The following ARHGEF28 variants were observed in gnomAD, a reference collection of about 807,000 sequenced individuals.
ARHGEF28 encodes 190 kDa guanine nucleotide exchange factor.
In ARHGEF28, 152 loss-of-function variants were observed where a neutral mutation model predicts 206.6. The observed-to-expected ratio is 0.74, with a 90% confidence interval of 0.64 to 0.84. The LOEUF is 0.84. Among genes scored for constraint, ARHGEF28 ranks in the 40% least tolerant of loss-of-function variants. The probability of loss-of-function intolerance (pLI) is 0.00; values close to 1 mark genes in which losing one functional copy is unlikely to be tolerated. For synonymous variants in ARHGEF28, 763 were observed against 776.4 expected, an observed-to-expected ratio of 0.98 and a Z score of 0.29; for missense variants, 2,028 against 2,073.2, an observed-to-expected ratio of 0.98 and a Z score of 0.42.
At chr5:73,637,184 G>A (rs943606759) in intron 1 of ARHGEF28, among the ~76,000 whole-genome samples, 1 of 152,068 alleles carries the variant, frequency 6.6e-6, no homozygotes, top group African/African-American at 2.4e-5. Context: ...CCCCAGTGAG[G>A]CTGGGTGGAG....
At chr5:73,920,696 G>A (rs1278524390) in intron 35 of ARHGEF28, among the ~76,000 whole-genome samples, 1 of 152,002 alleles carries the variant, frequency 6.6e-6, no homozygotes, top group Non-Finnish European at 1.5e-5. Context: ...AGCCCCTCAT[G>A]CATCAGGTAT....
At chr5:73,821,428 C>G (rs774063377) in intron 9 of ARHGEF28, among the ~76,000 whole-genome samples, 5 of 152,142 alleles carry the variant, frequency 3.3e-5, no homozygotes, top group African/African-American at 4.8e-5. Flanking sequence ...ACATATGGCT[C>G]TAGGGATAGG....
At position 73,873,115 on chromosome 5, in the gene ARHGEF28, C is replaced by G; in HGVS notation, c.2683C>G (p.Pro895Ala). The change falls in exon 22 of 36, where the codon CCC (proline) becomes GCC (alanine). Residue 895 changes from proline (P) to alanine (A), a missense_variant. Coordinates refer to ENST00000513042, the MANE Select transcript of ARHGEF28 (RefSeq NM_001177693.2). ...LDHSTVDKIF[P>A]CLDELLEIHR... ...CCACAGCACCGTGGATAAAATTTTC[C>G]CCTGTTTAGATGAGTTGCTTGAAAT... The G allele has an allele frequency of 6.2e-7, 1 of 1,612,972 alleles. No homozygotes were observed.
At chr5:73,678,257 A>G (rs992930270) in intron 1 of ARHGEF28, among the ~76,000 whole-genome samples, 1 of 152,114 alleles carries the variant, frequency 6.6e-6, no homozygotes, top group Non-Finnish European at 1.5e-5. Flanking sequence ...TTTTAGAAGG[A>G]TTAGGACTGA....
At chr5:73,638,614 T>C (rs1743869311) in intron 1 of ARHGEF28, among the ~76,000 whole-genome samples, 1 of 152,210 alleles carries the variant, frequency 6.6e-6, no homozygotes, top group Non-Finnish European at 1.5e-5. Context: ...AAGAATACTG[T>C]TGTGAATATA....
chr5:73,864,274 A>G (rs942604330), intron 16 of ARHGEF28, among the ~76,000 whole-genome samples: 3 of 152,200 alleles, frequency 2.0e-5, no homozygotes, highest in African/African-American at 7.2e-5. Context: ...CCCATTGTTT[A>G]TGATATAAAA....
intron 2 of ARHGEF28, among the ~76,000 whole-genome samples, chr5:73,688,765 T>A (rs920892698): frequency 6.6e-6 from 1 of 152,184 alleles, no homozygotes; most frequent in African/African-American, 2.4e-5. Context: ...GTGATTCTCC[T>A]GCCTCAGCCT....
At position 73,892,246 on chromosome 5, in the gene ARHGEF28, G is replaced by T; in HGVS notation, c.3566+16G>T. 1 of 1,552,124 alleles carries T rather than the reference G, an allele frequency of 6.4e-7. No homozygotes were observed. The highest frequency in any genetic ancestry group is 8.7e-7 in the Non-Finnish European group (1 of 1,147,034). ...CTGTAGAAAGGTAACATTTCCTTCC[G>T]TCCATAATCTATGGAACAGAGTTGT... On this transcript the variant is annotated intron_variant, in intron 27 of 35. Coordinates refer to ENST00000513042, the MANE Select transcript of ARHGEF28 (RefSeq NM_001177693.2).
At chr5:73,795,414 A>G (rs764658412) in intron 9 of ARHGEF28, 23 bp downstream of exon 9, 3 of 1,598,534 alleles carry the variant, frequency 1.9e-6, no homozygotes, top group Non-Finnish European at 1.7e-6. Flanking sequence ...GCTTTTACCT[A>G]TACTCGTAGG....
chr5:73,672,723 T>C (rs1252804761), intron 1 of ARHGEF28, among the ~76,000 whole-genome samples: 1 of 152,220 alleles, frequency 6.6e-6, no homozygotes, highest in African/African-American at 2.4e-5. Flanking sequence ...AACAGACTCA[T>C]AGCATAAGTA....
Position 73,649,495 on chromosome 5 carries a change from A to G in ARHGEF28, c.-12+23173A>G, listed in dbSNP as rs1331687629. On this transcript the variant is annotated intron_variant, in intron 1 of 35. Coordinates refer to ENST00000513042, the MANE Select transcript of ARHGEF28 (RefSeq NM_001177693.2). ...TTTTTAAGATGAAGAAGCTGTAGCC[A>G]TAAGGTGGTTTGACTGTCTTGTTCT... is the stretch of plus-strand genomic sequence containing the variant. 2.0e-5 allele frequency among the ~76,000 whole-genome samples: 3 copies of G among 152,254 alleles called. No homozygotes were observed. The East Asian group carries it at 5.8e-4, about 29-fold the overall frequency.
intron 7 of ARHGEF28, among the ~76,000 whole-genome samples, chr5:73,786,812 A>G (rs1270441009): frequency 6.6e-6 from 1 of 152,238 alleles, no homozygotes; most frequent in Non-Finnish European, 1.5e-5. Flanking sequence ...AGTGCAAGTT[A>G]TATAACACAC....
intron 4 of ARHGEF28, among the ~76,000 whole-genome samples, chr5:73,764,777 G>C (rs1195377986): frequency 2.6e-5 from 4 of 152,146 alleles, no homozygotes; most frequent in Non-Finnish European, 4.4e-5. Flanking sequence ...TGTATTTGCA[G>C]TTCCTATCCT....
chr5:73,628,995 A>G (rs1035183209), intron 1 of ARHGEF28, among the ~76,000 whole-genome samples: 1 of 152,120 alleles, frequency 6.6e-6, no homozygotes, highest in South Asian at 2.1e-4. Context: ...GACAATCTCT[A>G]TTATGGGGCT....
intron 2 of ARHGEF28, among the ~76,000 whole-genome samples, chr5:73,746,503 T>A (rs1751724887): frequency 6.6e-6 from 1 of 152,016 alleles, no homozygotes; most frequent in African/African-American, 2.4e-5. Flanking sequence ...TGAAAAAAGG[T>A]TGATAGTTTA....
chr5:73,708,355 T>C (rs1749057718), intron 2 of ARHGEF28, among the ~76,000 whole-genome samples: 1 of 152,134 alleles, frequency 6.6e-6, no homozygotes, highest in Non-Finnish European at 1.5e-5. Context: ...CTCCCTCCCT[T>C]TCTCCCCACC....
At chr5:73,852,561 T>G (rs1758770129) in intron 13 of ARHGEF28, 89 bp from the exon 14 acceptor site, 1 of 1,125,996 alleles carries the variant, frequency 8.9e-7, no homozygotes, top group East Asian at 2.3e-5. Flanking sequence ...TGTATAATGA[T>G]ACAATATGGT....
intron 2 of ARHGEF28, 134 bp from the exon 3 acceptor site, chr5:73,749,702 CT>C (rs1293371968): frequency 3.4e-5 from 29 of 864,142 alleles, no homozygotes; most frequent in Non-Finnish European, 5.2e-5. Flanking sequence ...GAAGGAAGCA[CT>C]CATGCTATTT....
chr5:73,848,476 T>C (rs2931443), intron 12 of ARHGEF28, among the ~76,000 whole-genome samples: 89,650 of 151,984 alleles, frequency 0.59, 28,014 homozygotes, highest in African/African-American at 0.8. Context: ...TTTCCCTAAA[T>C]GTTGCAGCTA....
Sources: gnomAD v4.1 joint callset for allele counts (sites outside exome capture counted in the v4.1 genomes callset) on GRCh38, gnomAD v4.1.1 for gene constraint, MANE v1.5 for transcripts, NCBI Gene and HGNC (gene_info 2026-07-23, HGNC 2026-07-21) for gene names.